Variants in FAM117A observed in about 807,000 individuals in gnomAD.
FAM117A encodes the protein family with sequence similarity 117 member A.
Under a neutral mutation model 44.1 loss-of-function variants are expected in FAM117A, and 21 were observed. The ratio of observed to expected loss-of-function variants is 0.48; its 90% CI spans 0.34 to 0.69. The LOEUF is 0.69. Among genes scored for constraint, FAM117A ranks in the 30% least tolerant of loss-of-function variants. The pLI is 0.01. For missense variants in FAM117A, 498 were observed against 589.9 expected (o/e 0.84, Z 1.61); for synonymous variants, 220 against 238.3 (o/e 0.92, Z 0.71).
chr17:49,720,756 C>T (rs745527154), intron 3 of FAM117A, among the ~76,000 whole-genome samples: 10 of 151,792 alleles, frequency 6.6e-5, no homozygotes, highest in Non-Finnish European at 1.5e-4. Context: ...GTCTCGCTCT[C>T]TCACCCAGGC....
intron 1 of FAM117A, among the ~76,000 whole-genome samples, chr17:49,750,622 C>T (rs2073672736): frequency 6.6e-6 from 1 of 151,822 alleles, no homozygotes; most frequent in African/African-American, 2.4e-5. Flanking sequence ...ACTAAAAATA[C>T]AAAAATTAGC....
intron 7 of FAM117A, among the ~76,000 whole-genome samples, chr17:49,714,180 G>A (rs569646558): frequency 1.4e-4 from 22 of 152,256 alleles, no homozygotes; most frequent in Non-Finnish European, 2.5e-4. Context: ...TGATCTTGGA[G>A]GGGACAACAG....
chr17:49,742,282 A>G lies in FAM117A; in HGVS notation c.197-9562T>C, dbSNP rs79918876. On this transcript the variant is annotated intron_variant, in intron 1 of 7. Coordinates refer to ENST00000240364, the MANE Select transcript of FAM117A (RefSeq NM_030802.4). ...TGTCCGACTTCCCAAGATGCAGACCATATCTGTAGGCAGCTGGAGAGACAG... is the reference window on the plus strand; with the variant it reads ...TGTCCGACTTCCCAAGATGCAGACCGTATCTGTAGGCAGCTGGAGAGACAG... Among the ~76,000 whole-genome samples the G allele has an allele frequency of 3.3e-3, 497 of 152,306 alleles. 1 individual carries two copies. Among genetic ancestry groups the G allele is most frequent in the African/African-American group, 0.011 (475 of 41,564 alleles).
chr17:49,733,294 G>C (rs12449950), intron 1 of FAM117A, among the ~76,000 whole-genome samples: 56,283 of 152,130 alleles, frequency 0.37, 12,743 homozygotes, highest in Middle Eastern at 0.57. Flanking sequence ...CGAGGATTGA[G>C]GAATCTAGTT....
intron 2 of FAM117A, among the ~76,000 whole-genome samples, chr17:49,731,008 T>G (rs2073582344): frequency 6.6e-6 from 1 of 152,254 alleles, no homozygotes; most frequent in Non-Finnish European, 1.5e-5. Flanking sequence ...AGGCCAAATC[T>G]TGTCCTCATT....
upstream of FAM117A, among the ~76,000 whole-genome samples, chr17:49,766,670 T>C (rs532683602): frequency 6.6e-6 from 1 of 152,342 alleles, no homozygotes; most frequent in East Asian, 1.9e-4. Context: ...TCTTAGGAGA[T>C]GATGAGTGGT....
At chr17:49,782,376 CA>C (rs1193854249) in intron 1 of FAM117A, among the ~76,000 whole-genome samples, 1,191 of 18,092 alleles carry the variant, frequency 0.066, 2 homozygotes, top group African/African-American at 0.18. Flanking sequence ...GACTCCGTCT[CA>C]AAAAAAAAAA....
Position 49,719,842 on chromosome 17 carries a change from C to A in FAM117A, c.626G>T (p.Cys209Phe). 6.2e-7 allele frequency: 1 copy of A among 1,608,292 alleles called. No individual in the cohort carries two copies. The highest frequency in any genetic ancestry group is 8.5e-7 in the Non-Finnish European group (1 of 1,178,000). Residue 209 changes from cysteine to phenylalanine, a missense_variant, in exon 5 of 8, where the codon TGC becomes TTC. By Grantham distance (205) the Cys-to-Phe change is radical (BLOSUM62 -2). Around this residue, in one of 3 missense-constraint regions of FAM117A, gnomAD observed 270 missense variants for 277.4 expected, o/e 0.97. Coordinates refer to ENST00000240364, the MANE Select transcript of FAM117A (RefSeq NM_030802.4). ...SGSPVLRLSPCLHRSLEGLNQ... is the reference protein window; with the variant it reads ...SGSPVLRLSPFLHRSLEGLNQ... ...GAGCCCTTCCAGGCTCCTGTGCAGG[C>A]AGGGGCTGAGTCGCAAGACAGGGGA...
At chr17:49,733,201 T>C (rs1445505851) in intron 1 of FAM117A, among the ~76,000 whole-genome samples, 1 of 152,224 alleles carries the variant, frequency 6.6e-6, no homozygotes, top group Non-Finnish European at 1.5e-5. Context: ...GAAGACCTCC[T>C]CTTCCTCTTC....
chr17:49,767,061 G>A (rs558954179), upstream of FAM117A, among the ~76,000 whole-genome samples: 1 of 152,310 alleles, frequency 6.6e-6, no homozygotes, highest in African/African-American at 2.4e-5. Context: ...ATCCTAGCTG[G>A]AGGAGTGAGA....
At chr17:49,712,662 C>A (rs1178169276) in intron 7 of FAM117A, among the ~76,000 whole-genome samples, 2 of 152,072 alleles carry the variant, frequency 1.3e-5, no homozygotes, top group Non-Finnish European at 2.9e-5. Flanking sequence ...AGGCATGAAC[C>A]ACCATGCCCA....
At chr17:49,773,805 G>C (rs1314290149) in intron 1 of FAM117A, among the ~76,000 whole-genome samples, 1 of 151,788 alleles carries the variant, frequency 6.6e-6, no homozygotes, top group Non-Finnish European at 1.5e-5. Flanking sequence ...CCAGGCTGGA[G>C]TGTAATGGCA....
intron 1 of FAM117A, among the ~76,000 whole-genome samples, chr17:49,760,284 C>A (rs1397182411): frequency 6.6e-6 from 1 of 152,164 alleles, no homozygotes; most frequent in Non-Finnish European, 1.5e-5. Context: ...ATATTACACA[C>A]ATTTGAAACT....
chr17:49,755,038 CAAAA>C (rs199709334), intron 1 of FAM117A, among the ~76,000 whole-genome samples: 1 of 43,240 alleles, frequency 2.3e-5, no homozygotes, highest in East Asian at 5.3e-4. Context: ...AACTCCGTCT[CAAAA>C]AAAAAAAAAA....
chr17:49,764,512 T>A (rs2073738756), upstream of FAM117A, among the ~76,000 whole-genome samples: 1 of 152,040 alleles, frequency 6.6e-6, no homozygotes, highest in Non-Finnish European at 1.5e-5. Context: ...TGGGTGTAGG[T>A]TGGAGTCAAA....
chr17:49,713,925 T>C (rs1279837649), intron 7 of FAM117A, among the ~76,000 whole-genome samples: 4 of 151,956 alleles, frequency 2.6e-5, no homozygotes, highest in South Asian at 4.2e-4. Context: ...GCCCACGTGG[T>C]GGGTGTGTTT....
chr17:49,781,352 A>G (rs546964468), intron 1 of FAM117A, among the ~76,000 whole-genome samples: 8 of 152,344 alleles, frequency 5.3e-5, no homozygotes, highest in Admixed American at 6.5e-5. Flanking sequence ...TATTAAAATG[A>G]CAAGATTTTT....
chr17:49,765,468 C>G (rs1360719168), upstream of FAM117A: 1 of 152,124 alleles, frequency 6.6e-6, no homozygotes. Context: ...AGAAGTCATT[C>G]TGGGATTAAA....
intron 1 of FAM117A, among the ~76,000 whole-genome samples, chr17:49,783,440 A>G (rs1237939167): frequency 1.3e-5 from 2 of 152,084 alleles, no homozygotes; most frequent in African/African-American, 4.8e-5. Flanking sequence ...AAATGTGGTT[A>G]TTTGACTGTT....
Sources: allele counts gnomAD v4.1 joint callset (sites outside exome capture counted in the v4.1 genomes callset), GRCh38; gene constraint gnomAD v4.1.1; regional missense constraint gnomAD v4.1.1; transcripts MANE v1.5; gene names NCBI Gene and HGNC (gene_info 2026-07-23, HGNC 2026-07-21).